The following CCSER1 variants were observed in gnomAD, a reference collection of about 807,000 sequenced individuals.
The protein encoded by CCSER1 is serine-rich coiled-coil domain-containing protein 1.
Under a neutral mutation model 82.0 loss-of-function variants are expected in CCSER1, and 41 were observed. That is an observed-to-expected ratio of 0.50 (90% CI 0.39 to 0.65). The LOEUF is 0.65. Ranked by LOEUF, CCSER1 falls within the 30% of genes least tolerant of loss-of-function variation. The pLI, the probability that CCSER1 is intolerant of heterozygous loss-of-function variation, is 0.00. For synonymous variants in CCSER1, 414 were observed against 383.9 expected, an observed-to-expected ratio of 1.08 and a Z score of -0.92; for missense variants, 1,119 against 1,064.2, an observed-to-expected ratio of 1.05 and a Z score of -0.72.
chr4:91,152,776 G>T (rs1730373038), intron 10 of CCSER1, among the ~76,000 whole-genome samples: 1 of 148,778 alleles, frequency 6.7e-6, no homozygotes, highest in South Asian at 2.1e-4. Flanking sequence ...CTTCCCTTAT[G>T]AAGCTTAGTT....
intron 10 of CCSER1, among the ~76,000 whole-genome samples, chr4:91,339,493 T>G (rs1284696223): frequency 6.6e-6 from 1 of 152,152 alleles, no homozygotes; most frequent in Non-Finnish European, 1.5e-5. Context: ...TAGAAATAAA[T>G]AGAGCTCTCA....
At chr4:91,413,714 G>A (rs1471994357) in intron 10 of CCSER1, among the ~76,000 whole-genome samples, 1 of 151,938 alleles carries the variant, frequency 6.6e-6, no homozygotes, top group Non-Finnish European at 1.5e-5. Flanking sequence ...GGGGATCTAA[G>A]CAAGATAAAT....
intron 10 of CCSER1, among the ~76,000 whole-genome samples, chr4:91,144,022 G>GT (rs897073137): frequency 4.6e-5 from 7 of 151,600 alleles, no homozygotes; most frequent in African/African-American, 1.7e-4. Context: ...CTCCTTTTTG[G>GT]TTTTTTTGGA....
At chr4:90,133,370 G>C (rs1361008332) in intron 1 of CCSER1, among the ~76,000 whole-genome samples, 3 of 152,156 alleles carry the variant, frequency 2.0e-5, no homozygotes, top group Non-Finnish European at 4.4e-5. Context: ...CTTATTGGTA[G>C]GTAGTTATAA....
At position 91,005,758 on chromosome 4, in the gene CCSER1, T is replaced by C. The variant is rs533884192; in HGVS notation, c.2173-80192T>C. On this transcript the variant is annotated intron_variant, in intron 9 of 10. Transcript: ENST00000509176. ...ATAACTTTGTGTTGATTTTTGTATATGATAGGGTTCTAGTTTCATTCTTAT... is the reference window on the plus strand; with the variant it reads ...ATAACTTTGTGTTGATTTTTGTATACGATAGGGTTCTAGTTTCATTCTTAT... Among the ~76,000 whole-genome samples, 11 of 152,298 alleles carry C rather than the reference T, an allele frequency of 7.2e-5. No individual in the cohort carries two copies. In the East Asian group the frequency reaches 2.1e-3, roughly 29 times the overall value.
At chr4:90,503,382 A>T (rs1413407585) in intron 5 of CCSER1, among the ~76,000 whole-genome samples, 1 of 152,216 alleles carries the variant, frequency 6.6e-6, no homozygotes, top group East Asian at 1.9e-4. Context: ...GTTTTAACAC[A>T]GGGGACCAAA....
chr4:90,531,630 G>C (rs1167564693), intron 5 of CCSER1, among the ~76,000 whole-genome samples: 2 of 152,110 alleles, frequency 1.3e-5, no homozygotes, highest in African/African-American at 4.8e-5. Context: ...AGTCAGGATA[G>C]TCAGGACACA....
chr4:90,359,766 A>C (rs1490503958), intron 3 of CCSER1, among the ~76,000 whole-genome samples: 1 of 151,552 alleles, frequency 6.6e-6, no homozygotes, highest in Non-Finnish European at 1.5e-5. Flanking sequence ...AAAATAAATA[A>C]ATCAGTCTTA....
In CCSER1 at chr4:90,616,736, C is replaced by T. The variant is rs59512971; in HGVS notation, c.1725-11289C>T. On this transcript the variant is annotated intron_variant, in intron 5 of 10. Transcript: ENST00000509176. Reference sequence around the variant, plus strand: ...ACACACACACACACACACACACACACACAAATAAAATAAAATAAAAGGGAG... The same window carrying T: ...ACACACACACACACACACACACACATACAAATAAAATAAAATAAAAGGGAG... 1.8e-3 allele frequency among the ~76,000 whole-genome samples: 108 copies of T among 60,370 alleles called. 1 individual carries two copies. Among genetic ancestry groups the T allele is most frequent in the African/African-American group, 9.8e-3 (104 of 10,588 alleles). 39.6% of individuals were successfully genotyped at this position (60,370 alleles called of 152,430 possible).
chr4:90,423,263 A>AT (rs1202697270), intron 4 of CCSER1, among the ~76,000 whole-genome samples: 1 of 152,022 alleles, frequency 6.6e-6, no homozygotes, highest in Non-Finnish European at 1.5e-5. Flanking sequence ...GTCTTGCTCT[A>AT]TTGCCAGGCT....
At chr4:91,022,890 AT>A (rs1442204120) in intron 9 of CCSER1, among the ~76,000 whole-genome samples, 5 of 151,970 alleles carry the variant, frequency 3.3e-5, no homozygotes, top group Non-Finnish European at 7.4e-5. Flanking sequence ...GTTTGAGTTC[AT>A]TGTAGATTCT....
At chr4:91,117,316 C>A (rs1429648931) in intron 10 of CCSER1, among the ~76,000 whole-genome samples, 3 of 152,134 alleles carry the variant, frequency 2.0e-5, no homozygotes, top group African/African-American at 7.2e-5. Flanking sequence ...TACCAGAATC[C>A]AGTCTGCCAG....
chr4:90,158,122 A>C (rs1385595612), intron 1 of CCSER1, among the ~76,000 whole-genome samples: 1 of 151,988 alleles, frequency 6.6e-6, no homozygotes, highest in Non-Finnish European at 1.5e-5. Context: ...GATCTGTTGG[A>C]GTTTGCTAGA....
chr4:91,480,946 G>C (rs1757873383), intron 10 of CCSER1, among the ~76,000 whole-genome samples: 1 of 152,098 alleles, frequency 6.6e-6, no homozygotes, highest in South Asian at 2.1e-4. Context: ...GGTTGTGTGT[G>C]TATGTGTGAG....
At chr4:91,218,266 C>T (rs964031959) in intron 10 of CCSER1, among the ~76,000 whole-genome samples, 7 of 152,248 alleles carry the variant, frequency 4.6e-5, no homozygotes, top group South Asian at 4.1e-4. Flanking sequence ...GCTCCGAGAG[C>T]GGGGCCCACC....
At chr4:91,163,137 G>C (rs1384209295) in intron 10 of CCSER1, among the ~76,000 whole-genome samples, 1 of 152,112 alleles carries the variant, frequency 6.6e-6, no homozygotes. Flanking sequence ...TTGTGTCTTT[G>C]TTCTCATTGG....
chr4:90,421,998 G>C (rs1346547338), intron 4 of CCSER1, among the ~76,000 whole-genome samples: 1 of 152,144 alleles, frequency 6.6e-6, no homozygotes, highest in Non-Finnish European at 1.5e-5. Context: ...GAGAAGGATA[G>C]AACATTTTTA....
chr4:90,862,409 A>G lies in CCSER1; in HGVS notation c.2094+46564A>G, dbSNP rs1481333757. On this transcript the variant is annotated intron_variant, in intron 8 of 10. Transcript: ENST00000509176. ...TCAAAAGCATTTTGGCCATTTTCCA[A>G]ATAAATCATTATTCAACATTTCTTT... 2.6e-5 allele frequency among the ~76,000 whole-genome samples: 4 copies of G among 152,042 alleles called. No homozygotes were observed. The East Asian group carries it at 7.8e-4, about 30-fold the overall frequency.
Position 90,484,046 on chromosome 4 carries a change from A to G in CCSER1, c.1724+15692A>G, listed in dbSNP as rs552554186. ...AGATTTGGTCTTTTCACATAGTCAC[A>G]TATTTCTTGGAGGCTTTGTTCGTTT... On this transcript the variant is annotated intron_variant, in intron 5 of 10. Transcript: ENST00000509176. Among the ~76,000 whole-genome samples the G allele has an allele frequency of 3.9e-5, 6 of 152,270 alleles. No homozygotes were observed. In the East Asian group the frequency reaches 9.7e-4, roughly 24 times the overall value.
Sources: allele counts gnomAD v4.1 joint callset (sites outside exome capture counted in the v4.1 genomes callset), GRCh38; gene constraint gnomAD v4.1.1; transcripts MANE v1.5; gene names NCBI Gene and HGNC (gene_info 2026-07-23, HGNC 2026-07-21).